INPP5D: variants seen among roughly 807,000 people sequenced by gnomAD.
The protein encoded by INPP5D is inositol polyphosphate-5-phosphatase D.
In INPP5D, 33 loss-of-function variants were observed where a neutral mutation model predicts 122.9. The ratio of observed to expected loss-of-function variants is 0.27; its 90% CI spans 0.20 to 0.36. INPP5D has a LOEUF of 0.36. Among genes scored for constraint, INPP5D ranks in the 10% least tolerant of loss-of-function variants. The pLI is 1.00. For missense variants in INPP5D, 1,053 were observed against 1,412.7 expected, an observed-to-expected ratio of 0.75 and a Z score of 4.08; for synonymous variants, 584 against 576.2, an observed-to-expected ratio of 1.01 and a Z score of -0.19.
In INPP5D at chr2:233,103,079, TTC is replaced by T. The variant is rs1230929644; in HGVS notation, c.199-19026_199-19025del. Among the ~76,000 whole-genome samples, 6 of 152,332 alleles carry T rather than the reference TTC, an allele frequency of 3.9e-5. No homozygotes were observed. The Middle Eastern group carries it at 0.014, about 345-fold the overall frequency. On this transcript the variant is annotated intron_variant, in intron 2 of 26. Transcript: ENST00000445964. ...GACTGAAGTCATATCATAGCTTTCA[TTC>T]TGTGTTCCCCCTTTTCACCAAAGGA...
intron 11 of INPP5D, among the ~76,000 whole-genome samples, chr2:233,163,269 G>A (rs573189756): frequency 6.6e-6 from 1 of 152,210 alleles, no homozygotes; most frequent in South Asian, 2.1e-4. Flanking sequence ...GCATCCCTCC[G>A]CTCTGGGCTG....
intron 2 of INPP5D, among the ~76,000 whole-genome samples, chr2:233,117,527 C>A (rs1458255344): frequency 6.6e-6 from 1 of 152,184 alleles, no homozygotes; most frequent in African/African-American, 2.4e-5. Context: ...GGTAGCTCCA[C>A]GGGAGGCCAC....
rs13406510 is a variant in INPP5D, at chr2:233,070,669, C to T, written c.135-8666C>T. The stretch of plus-strand genomic sequence containing the variant: ...TATTGGCCAGGCTGCTTTCAAACTC[C>T]TGACCTTGTGGTCCGCTCGCCTCGG... On this transcript the variant is annotated intron_variant, in intron 1 of 26. Transcript: ENST00000445964. Among the ~76,000 whole-genome samples, 843 of 152,202 alleles carry T rather than the reference C, an allele frequency of 5.5e-3. 8 individuals are homozygous for T. The highest frequency in any genetic ancestry group is 0.019 in the African/African-American group (783 of 41,550).
intron 4 of INPP5D, among the ~76,000 whole-genome samples, chr2:233,126,270 T>C (rs1003033456): frequency 4.6e-5 from 7 of 152,356 alleles, no homozygotes; most frequent in Admixed American, 6.5e-5. Flanking sequence ...ACTTTTTGTT[T>C]CTTTGTGAGA....
chr2:233,070,943 T>C (rs1691364343), intron 1 of INPP5D, among the ~76,000 whole-genome samples: 1 of 152,150 alleles, frequency 6.6e-6, no homozygotes, highest in Non-Finnish European at 1.5e-5. Flanking sequence ...CATTGAACCA[T>C]TTAATCTCTC....
chr2:233,095,942 C>T (rs1051436409), intron 2 of INPP5D, among the ~76,000 whole-genome samples: 16 of 152,268 alleles, frequency 1.1e-4, no homozygotes, highest in African/African-American at 1.9e-4. Flanking sequence ...CACTGTTCTG[C>T]GATTTGCTTT....
intron 1 of INPP5D, among the ~76,000 whole-genome samples, chr2:233,062,065 G>C (rs1463203799): frequency 6.6e-6 from 1 of 152,184 alleles, no homozygotes; most frequent in Non-Finnish European, 1.5e-5. Flanking sequence ...CCCCAGTGGG[G>C]ACCTGCTGCT....
At chr2:233,096,457 G>A (rs995456863) in intron 2 of INPP5D, among the ~76,000 whole-genome samples, 2 of 152,118 alleles carry the variant, frequency 1.3e-5, no homozygotes, top group African/African-American at 4.8e-5. Context: ...TTCGAGACCA[G>A]CCTGGCCAAC....
chr2:233,115,547 C>A (rs547733782), intron 2 of INPP5D, among the ~76,000 whole-genome samples: 1 of 152,090 alleles, frequency 6.6e-6, no homozygotes. Context: ...TTTAAAGACC[C>A]GGGTGCCCTT....
intron 6 of INPP5D, among the ~76,000 whole-genome samples, chr2:233,142,588 G>A (rs1194572304): frequency 6.6e-6 from 1 of 152,194 alleles, no homozygotes; most frequent in Non-Finnish European, 1.5e-5. Flanking sequence ...GCTGGGAAGT[G>A]TGAAATGCAA....
intron 17 of INPP5D, among the ~76,000 whole-genome samples, chr2:233,171,826 G>A (rs1031469101): frequency 6.6e-6 from 1 of 152,214 alleles, no homozygotes; most frequent in Non-Finnish European, 1.5e-5. Context: ...ACAATGCCAG[G>A]GCAGGGAAGG....
chr2:233,065,226 G>T (rs1691178872), intron 1 of INPP5D, among the ~76,000 whole-genome samples: 2 of 151,724 alleles, frequency 1.3e-5, no homozygotes, highest in South Asian at 4.2e-4. Context: ...CAGAGATTAG[G>T]CTCCAGCTTT....
In INPP5D at chr2:233,177,375, C is replaced by A; in HGVS notation, c.2071+29C>A. On this transcript the variant is annotated intron_variant, in intron 18 of 26. Transcript: ENST00000445964. This position sits in a 1 kb window ranked among gnomAD's most constrained non-coding sequence, Gnocchi z 4.2. ...AGTTCAAACACTGGGGAAAGCAGAA[C>A]AGGATCAGAGAATGGCACCAAGCTG... is the stretch of plus-strand genomic sequence containing the variant. The A allele has an allele frequency of 1.9e-6, 3 of 1,613,440 alleles. No homozygotes were observed. Among genetic ancestry groups the A allele is most frequent in the East Asian group, 2.2e-5 (1 of 44,878 alleles).
intron 5 of INPP5D, among the ~76,000 whole-genome samples, chr2:233,137,852 AAATATATATATATATATATATATATATAT>A (rs1693517924): frequency 1.7e-4 from 2 of 11,630 alleles, no homozygotes; most frequent in African/African-American, 5.5e-4. Flanking sequence ...AAAAAAAAAA[AAATATATATATATATATATATATATATAT>A]ATATATATAT....
intron 10 of INPP5D, 138 bp downstream of exon 10, chr2:233,158,557 G>T (rs972299947): frequency 1.1e-5 from 6 of 540,528 alleles, no homozygotes; most frequent in Non-Finnish European, 1.6e-5. Context: ...TGGGAAAGGT[G>T]AACTTAGAGA....
Position 233,100,505 on chromosome 2 carries a change from G to A in INPP5D, c.198+21107G>A, listed in dbSNP as rs925429364. 6.6e-5 allele frequency among the ~76,000 whole-genome samples: 10 copies of A among 152,108 alleles called. No individual in the cohort carries two copies. Among genetic ancestry groups the A allele is most frequent in the Non-Finnish European group, 8.8e-5 (6 of 68,014 alleles). Reference sequence around the variant, plus strand: ...CTCCAAAACAGCCCACGTTACTCCCGGTGACAATCAGAATTCCCCCTGGCC... The same window carrying A: ...CTCCAAAACAGCCCACGTTACTCCCAGTGACAATCAGAATTCCCCCTGGCC... On this transcript the variant is annotated intron_variant, in intron 2 of 26. Transcript: ENST00000445964. The surrounding 1 kb of genome is among the most constrained non-coding windows in gnomAD (Gnocchi z 5.3).
chr2:233,071,864 C>T (rs1396723919), intron 1 of INPP5D, among the ~76,000 whole-genome samples: 2 of 152,086 alleles, frequency 1.3e-5, no homozygotes, highest in African/African-American at 4.8e-5. Context: ...ACTTTACTCA[C>T]TCCTCATTAT....
At chr2:233,141,054 G>T (rs1335864802) in intron 6 of INPP5D, 1 of 152,174 alleles carries the variant, frequency 6.6e-6, no homozygotes, top group Non-Finnish European at 1.5e-5. Context: ...TGCTCAAGTT[G>T]ATGGTTGAGT....
intron 2 of INPP5D, among the ~76,000 whole-genome samples, chr2:233,086,132 T>TCTTTCTTC (rs1491499024): frequency 8.7e-6 from 1 of 114,392 alleles, no homozygotes; most frequent in South Asian, 3.3e-4. Flanking sequence ...TTTCTTTCTT[T>TCTTTCTTC]CTTTCTTTCT....
Sources: gnomAD v4.1 joint callset for allele counts (sites outside exome capture counted in the v4.1 genomes callset) on GRCh38, gnomAD v4.1.1 for gene constraint, Gnocchi (gnomAD v3.1) non-coding constraint, MANE v1.5 for transcripts, NCBI Gene and HGNC (gene_info 2026-07-23, HGNC 2026-07-21) for gene names.